The following FAM120A variants were observed in gnomAD, a reference collection of about 807,000 sequenced individuals.
FAM120A encodes constitutive coactivator of PPAR-gamma-like protein 1.
FAM120A carries 15 observed loss-of-function variants against 109.7 expected under a neutral mutation model. The ratio of observed to expected loss-of-function variants is 0.14; its 90% confidence interval spans 0.09 to 0.21. FAM120A has a LOEUF of 0.21. Among genes scored for constraint, FAM120A ranks in the 10% least tolerant of loss-of-function variants. The pLI is 1.00. For missense variants in FAM120A, 899 were observed against 1,439.3 expected (o/e 0.62, Z 6.07); for synonymous variants, 493 against 572.8 (o/e 0.86, Z 1.99).
chr9:93,562,367 T>C, intron 17 of FAM120A, 63 bp downstream of exon 17: 1 of 1,297,558 alleles, frequency 7.7e-7, no homozygotes, highest in South Asian at 1.2e-5. Context: ...CTGTCTGAGC[T>C]TGCACTTCTA....
intron 12 of FAM120A, among the ~76,000 whole-genome samples, chr9:93,552,280 A>G (rs1297300324): frequency 6.6e-6 from 1 of 151,896 alleles, no homozygotes; most frequent in Non-Finnish European, 1.5e-5. Flanking sequence ...AAACAATCAC[A>G]CTCTAAGCTT....
intron 11 of FAM120A, among the ~76,000 whole-genome samples, chr9:93,546,497 C>G (rs982163457): frequency 5.9e-5 from 9 of 152,228 alleles, no homozygotes; most frequent in Non-Finnish European, 1.3e-4. Context: ...TTTACTCTGC[C>G]CCTCCTGTGG....
chr9:93,500,346 T>G lies in FAM120A; in HGVS notation c.1030+1460T>G, dbSNP rs1859745904. On this transcript the variant is annotated intron_variant, in intron 5 of 17. Transcript: ENST00000277165. The surrounding 1 kb of genome is among the most constrained non-coding windows in gnomAD (Gnocchi z 4.6). The stretch of plus-strand genomic sequence containing the variant: ...TTGCCTTGCATGAACCAAGCTAGCT[T>G]CTGCCCTGGGCCTCTGGGCCGGCTT... Among the ~76,000 whole-genome samples the G allele has an allele frequency of 6.6e-6, 1 of 152,236 alleles. No homozygotes were observed. The highest frequency in any genetic ancestry group is 2.1e-4 in the South Asian group (1 of 4,834).
At chr9:93,497,357 C>T in intron 3 of FAM120A, 114 bp from the exon 4 acceptor site, 2 of 1,305,054 alleles carry the variant, frequency 1.5e-6, no homozygotes, top group Non-Finnish European at 2.2e-6. Flanking sequence ...AATCATTGGG[C>T]ACTGATAAGA....
chr9:93,515,216 C>T (rs1288584447), intron 5 of FAM120A, among the ~76,000 whole-genome samples: 2 of 152,278 alleles, frequency 1.3e-5, no homozygotes, highest in African/African-American at 2.4e-5. Context: ...TAGAAAAGTC[C>T]TCTTGCTTGA....
Position 93,483,329 on chromosome 9 carries a change from TA to T in FAM120A, c.804+6993del, listed in dbSNP as rs990002310. 3.4e-4 allele frequency among the ~76,000 whole-genome samples: 52 copies of T among 152,042 alleles called. 2 individuals carry two copies. The highest frequency in any genetic ancestry group is 1.2e-3 in the African/African-American group (51 of 41,544). The stretch of plus-strand genomic sequence containing the variant: ...AGTACTTATTTAGCTTTAGAAAATA[TA>T]ATATTAGGGGCCTGAAAGGTAAGTA... On this transcript the variant is annotated intron_variant, in intron 3 of 17. Transcript: ENST00000277165.
intron 10 of FAM120A, among the ~76,000 whole-genome samples, chr9:93,539,066 C>T (rs373699159): frequency 8.3e-5 from 12 of 143,964 alleles, no homozygotes; most frequent in South Asian, 2.6e-4. Flanking sequence ...GGCGCAATCT[C>T]GGCTCACTGC....
chr9:93,470,228 G>A (rs934614328), intron 1 of FAM120A, among the ~76,000 whole-genome samples: 1 of 152,148 alleles, frequency 6.6e-6, no homozygotes, highest in Admixed American at 6.5e-5. Flanking sequence ...TTGTAGAAAC[G>A]AAAAACCTGC....
intron 5 of FAM120A, among the ~76,000 whole-genome samples, chr9:93,505,428 T>A (rs1564332344): frequency 6.6e-6 from 1 of 152,222 alleles, no homozygotes; most frequent in Non-Finnish European, 1.5e-5. Context: ...ATATATATAT[T>A]GGATGCTAGT....
chr9:93,483,754 A>G (rs1051876164), intron 3 of FAM120A, among the ~76,000 whole-genome samples: 1 of 152,190 alleles, frequency 6.6e-6, no homozygotes, highest in African/African-American at 2.4e-5. Context: ...AATGTTCTTA[A>G]TGGTTAATGT....
intron 10 of FAM120A, among the ~76,000 whole-genome samples, chr9:93,533,450 C>T (rs1861403413): frequency 6.6e-6 from 1 of 152,180 alleles, no homozygotes; most frequent in African/African-American, 2.4e-5. Flanking sequence ...GTGATGCTCG[C>T]TCTGCAGGGC....
chr9:93,488,349 G>T (rs1412134865), intron 3 of FAM120A, among the ~76,000 whole-genome samples: 1 of 152,082 alleles, frequency 6.6e-6, no homozygotes, highest in African/African-American at 2.4e-5. Flanking sequence ...TGATCTTGTG[G>T]ATGGTTTTCA....
intron 5 of FAM120A, among the ~76,000 whole-genome samples, chr9:93,511,570 C>G (rs780929690): frequency 6.6e-5 from 10 of 152,232 alleles, no homozygotes; most frequent in Middle Eastern, 3.2e-3. Flanking sequence ...GGTCACATGA[C>G]AGTTTCCTTT....
intron 7 of FAM120A, among the ~76,000 whole-genome samples, chr9:93,524,173 C>A (rs1223804040): frequency 6.6e-6 from 1 of 152,218 alleles, no homozygotes; most frequent in Admixed American, 6.5e-5. Context: ...TTGATCTTTT[C>A]TTTTCTAAAT....
At chr9:93,502,172 G>A (rs1259693529) in intron 5 of FAM120A, among the ~76,000 whole-genome samples, 3 of 152,266 alleles carry the variant, frequency 2.0e-5, no homozygotes, top group Non-Finnish European at 1.5e-5. Flanking sequence ...TTAGTTTCTT[G>A]TTGTATTAGA....
Position 93,561,096 on chromosome 9 carries a change from A to G in FAM120A, c.2807-13A>G, listed in dbSNP as rs747784209. On this transcript the variant is annotated splice_polypyrimidine_tract_variant and intron_variant, in intron 15 of 17. Coordinates refer to ENST00000277165, the MANE Select transcript of FAM120A (RefSeq NM_014612.5). Reference sequence around the variant, plus strand: ...TTGTAAAGATTTTGTCTTTTTGTATATTTTTTATGCAGGAGTCCAACCTAT... The same window carrying G: ...TTGTAAAGATTTTGTCTTTTTGTATGTTTTTTATGCAGGAGTCCAACCTAT... The G allele has an allele frequency of 2.5e-6, 4 of 1,612,026 alleles. No individual in the cohort carries two copies. Among genetic ancestry groups the G allele is most frequent in the Admixed American group, 3.3e-5 (2 of 59,798 alleles).
chr9:93,495,650 GCTATGATCGCTTGAGT>G (rs1357181061), intron 3 of FAM120A, among the ~76,000 whole-genome samples: 2 of 152,186 alleles, frequency 1.3e-5, no homozygotes, highest in East Asian at 3.8e-4. Flanking sequence ...ACTTTCAAAT[GCTATGATCGCTTGAGT>G]CTACAGCGAG....
rs1165040602 is a variant in FAM120A at position 93,451,814 on chromosome 9, G to GGCCGCC, written c.-98_-93dup. The GGCCGCC allele has an allele frequency of 1.1e-6, 1 of 945,048 alleles. No homozygotes were observed. The highest frequency in any genetic ancestry group is 1.2e-6 in the Non-Finnish European group (1 of 804,794). The allele number at this position is 945,048 out of a possible 1,614,324, so 58.5% of individuals were successfully genotyped here. A position where few individuals can be genotyped will look rare whatever the true frequency, so the allele number is the denominator to read the frequency against. On this transcript the variant is annotated 5_prime_UTR_variant, in exon 1 of 18. Coordinates refer to ENST00000277165, the MANE Select transcript of FAM120A (RefSeq NM_014612.5). Reference sequence around the variant, plus strand: ...CCGACCCGCCCCAGTCCCCCCTAGAGGCCGCCGCCCCCGCCCGCCAGCCCG... The same window carrying GGCCGCC: ...CCGACCCGCCCCAGTCCCCCCTAGAGGCCGCCGCCGCCGCCCCCGCCCGCCAGCCCG...
chr9:93,468,030 C>T (rs527526211), intron 1 of FAM120A, among the ~76,000 whole-genome samples: 16 of 152,060 alleles, frequency 1.1e-4, no homozygotes, highest in Admixed American at 5.9e-4. Context: ...TATAGGCGCC[C>T]GCCACCACGC....
Sources: gnomAD v4.1 joint callset for allele counts (sites outside exome capture counted in the v4.1 genomes callset) on GRCh38, gnomAD v4.1.1 for gene constraint, Gnocchi (gnomAD v3.1) non-coding constraint, MANE v1.5 for transcripts, NCBI Gene and HGNC (gene_info 2026-07-23, HGNC 2026-07-21) for gene names.